CTNNA1: variants seen among roughly 807,000 people sequenced by gnomAD.
The protein encoded by CTNNA1 is catenin alpha 1.
Under a neutral mutation model 98.4 loss-of-function variants are expected in CTNNA1, and 37 were observed. That is an observed-to-expected ratio of 0.38 (90% CI 0.29 to 0.49). The LOEUF is 0.49. Among genes scored for constraint, CTNNA1 ranks in the 20% least tolerant of loss-of-function variants. The pLI is 0.95. For synonymous variants in CTNNA1, 404 were observed against 413.2 expected (o/e 0.98, Z 0.27); for missense variants, 761 against 1,147.2 (o/e 0.66, Z 4.86).
chr5:138,839,773 G>C (rs1243522980), intron 7 of CTNNA1, among the ~76,000 whole-genome samples: 1 of 152,196 alleles, frequency 6.6e-6, no homozygotes, highest in Non-Finnish European at 1.5e-5. Flanking sequence ...CATTTAGCCA[G>C]AACCAAAACT....
intron 7 of CTNNA1, among the ~76,000 whole-genome samples, chr5:138,856,306 G>A (rs1440655368): frequency 3.3e-5 from 5 of 152,072 alleles, no homozygotes; most frequent in Non-Finnish European, 5.9e-5. Flanking sequence ...AATTAACATT[G>A]TCACTACACT....
chr5:138,929,498 A>G, intron 14 of CTNNA1, 142 bp downstream of exon 14: 1 of 604,578 alleles, frequency 1.7e-6, no homozygotes, highest in South Asian at 2.0e-5. Flanking sequence ...AAGTTAAACT[A>G]AGTTGTGGCA....
chr5:138,813,670 G>C (rs934563729), intron 5 of CTNNA1, among the ~76,000 whole-genome samples: 2 of 152,168 alleles, frequency 1.3e-5, no homozygotes, highest in Admixed American at 6.5e-5. Context: ...CTGTTGCCCA[G>C]GTTGGAGTAC....
At chr5:138,867,876 C>T (rs559431398) in intron 7 of CTNNA1, among the ~76,000 whole-genome samples, 43 of 152,044 alleles carry the variant, frequency 2.8e-4, no homozygotes, top group South Asian at 8.3e-4. Context: ...CTCAGCCTCC[C>T]GAGTAGCTGG....
At chr5:138,920,410 G>C (rs10078179) in intron 11 of CTNNA1, among the ~76,000 whole-genome samples, 51,635 of 152,142 alleles carry the variant, frequency 0.34, 9,504 homozygotes, top group African/African-American at 0.49. Context: ...TGGCCCTGAC[G>C]TGGCCCTGCC....
rs10712613 is a variant in CTNNA1 at position 138,770,950 on chromosome 5, C to CA, written c.-2-10958dup. ...TGGGCGACAGAGCGAGACTCCGTCT[C>CA]AAAAAAAAAAAAAAACACAAAAACA... is the stretch of plus-strand genomic sequence containing the variant. On this transcript the variant is annotated intron_variant, in intron 1 of 17. Coordinates refer to ENST00000302763, the MANE Select transcript of CTNNA1 (RefSeq NM_001903.5). Among the ~76,000 whole-genome samples the CA allele has an allele frequency of 7.8e-3, 997 of 128,202 alleles. 6 individuals are homozygous for CA. The highest frequency in any genetic ancestry group is 0.024 in the African/African-American group (821 of 33,584). The allele number at this position is 128,202 out of a possible 152,430, so 84.1% of individuals were successfully genotyped here. A position where few individuals can be genotyped will look rare whatever the true frequency, so the allele number is the denominator to read the frequency against.
chr5:138,902,295 A>C (rs903548025), intron 9 of CTNNA1, among the ~76,000 whole-genome samples: 3 of 152,210 alleles, frequency 2.0e-5, no homozygotes, highest in African/African-American at 7.2e-5. Flanking sequence ...TTAAGGATTC[A>C]TAAGATTGAG....
At chr5:138,902,889 CTTTT>C (rs910917575) in intron 9 of CTNNA1, among the ~76,000 whole-genome samples, 6 of 151,080 alleles carry the variant, frequency 4.0e-5, no homozygotes, top group African/African-American at 7.3e-5. Flanking sequence ...TATTTGTTTC[CTTTT>C]TTTTTAAGTC....
chr5:138,876,349 G>T (rs1406382751), intron 7 of CTNNA1, among the ~76,000 whole-genome samples: 1 of 152,216 alleles, frequency 6.6e-6, no homozygotes, highest in African/African-American at 2.4e-5. Context: ...AATACAAAAG[G>T]TCACTCATGC....
intron 1 of CTNNA1, among the ~76,000 whole-genome samples, chr5:138,775,923 T>G (rs1279914726): frequency 4.6e-5 from 7 of 151,764 alleles, no homozygotes; most frequent in Admixed American, 2.0e-4. Context: ...AGACGGGGTT[T>G]CACCGTGTTA....
intron 16 of CTNNA1, chr5:138,932,015 C>T (rs1765454681): frequency 1.0e-6 from 1 of 985,534 alleles, no homozygotes; most frequent in Non-Finnish European, 1.2e-6. Context: ...ACCCTTTTCT[C>T]TTTGACCATC....
intron 5 of CTNNA1, among the ~76,000 whole-genome samples, chr5:138,812,539 C>G (rs967557329): frequency 1.9e-4 from 29 of 152,152 alleles, no homozygotes; most frequent in Admixed American, 1.8e-3. Flanking sequence ...AGTAGCTTGA[C>G]AACTTGTGAT....
intron 10 of CTNNA1, among the ~76,000 whole-genome samples, chr5:138,909,680 G>T (rs1335060433): frequency 1.3e-5 from 2 of 152,132 alleles, no homozygotes; most frequent in Non-Finnish European, 2.9e-5. Context: ...AAATTGAGAA[G>T]TTACTTCTGA....
chr5:138,793,712 G>T (rs1756615698), intron 3 of CTNNA1, among the ~76,000 whole-genome samples: 1 of 152,184 alleles, frequency 6.6e-6, no homozygotes, highest in South Asian at 2.1e-4. Flanking sequence ...TGCATGTTAT[G>T]CATTTATTTG....
intron 10 of CTNNA1, among the ~76,000 whole-genome samples, chr5:138,907,169 G>A (rs1354997927): frequency 6.6e-6 from 1 of 152,138 alleles, no homozygotes. Flanking sequence ...TTACAGGCAT[G>A]TGCCACCATG....
intron 7 of CTNNA1, among the ~76,000 whole-genome samples, chr5:138,878,476 C>G (rs919718745): frequency 6.6e-5 from 10 of 152,182 alleles, no homozygotes; most frequent in African/African-American, 2.4e-4. Context: ...CTGGAAGGTA[C>G]TGTCCATATG....
At chr5:138,777,982 A>G (rs1754579666) in intron 1 of CTNNA1, among the ~76,000 whole-genome samples, 1 of 40,854 alleles carries the variant, frequency 2.4e-5, no homozygotes, top group Non-Finnish European at 4.4e-5. Context: ...ATGTTTCTTA[A>G]TCTGTCTTTT....
intron 1 of CTNNA1, chr5:138,754,503 C>A (rs1323393871): frequency 6.6e-6 from 1 of 152,156 alleles, no homozygotes; most frequent in Non-Finnish European, 1.5e-5. Flanking sequence ...AAGTCTACGA[C>A]TAAATTCGGG....
intron 7 of CTNNA1, among the ~76,000 whole-genome samples, chr5:138,840,145 T>TA (rs1762153519): frequency 6.6e-6 from 1 of 152,104 alleles, no homozygotes; most frequent in Non-Finnish European, 1.5e-5. Flanking sequence ...TATTAAAAAA[T>TA]ATCAAGATGC....
Sources: allele counts gnomAD v4.1 joint callset (sites outside exome capture counted in the v4.1 genomes callset), GRCh38; gene constraint gnomAD v4.1.1; transcripts MANE v1.5; gene names NCBI Gene and HGNC (gene_info 2026-07-23, HGNC 2026-07-21).